Variants in ANK3 observed in about 807,000 individuals in gnomAD.
The protein encoded by ANK3 is ankyrin 3.
In ANK3, 57 loss-of-function variants were observed where a neutral mutation model predicts 370.9. The ratio of observed to expected loss-of-function variants is 0.15; its 90% CI spans 0.12 to 0.19. ANK3 has a LOEUF of 0.19. Ranked by LOEUF, ANK3 falls within the 10% of genes least tolerant of loss-of-function variation. The pLI is 1.00. For synonymous variants in ANK3, 1,929 were observed against 1,946.3 expected (o/e 0.99, Z 0.23); for missense variants, 4,439 against 5,302.1 (o/e 0.84, Z 5.06).
At chr10:60,647,257 G>T (rs1048519007) in intron 1 of ANK3, among the ~76,000 whole-genome samples, 1 of 152,190 alleles carries the variant, frequency 6.6e-6, no homozygotes, top group Non-Finnish European at 1.5e-5. Flanking sequence ...AATCAAGGAA[G>T]AAATTGCTCA....
intron 2 of ANK3, among the ~76,000 whole-genome samples, chr10:60,579,898 A>C (rs7906839): frequency 0.47 from 71,562 of 151,948 alleles, 17,231 homozygotes; most frequent in Non-Finnish European, 0.52. Context: ...AAAATGATTC[A>C]GAAAATCCTA....
intron 28 of ANK3, among the ~76,000 whole-genome samples, chr10:60,095,574 G>T (rs1375835319): frequency 6.6e-6 from 1 of 152,094 alleles, no homozygotes; most frequent in East Asian, 1.9e-4. Flanking sequence ...GTAGAGACTG[G>T]CCCTTGCTAT....
At chr10:60,255,352 C>T (rs189231050) in intron 7 of ANK3, among the ~76,000 whole-genome samples, 1 of 152,202 alleles carries the variant, frequency 6.6e-6, no homozygotes. Flanking sequence ...GCAGCAAAAA[C>T]AAATCATCCT....
intron 9 of ANK3, among the ~76,000 whole-genome samples, chr10:60,209,206 T>C (rs957917658): frequency 2.0e-5 from 3 of 152,166 alleles, no homozygotes; most frequent in Non-Finnish European, 4.4e-5. Context: ...TATTGTAACA[T>C]AATTTAACAT....
At chr10:60,620,608 T>C (rs888302030) in intron 1 of ANK3, among the ~76,000 whole-genome samples, 5 of 152,188 alleles carry the variant, frequency 3.3e-5, no homozygotes, top group Non-Finnish European at 5.9e-5. Context: ...GCTCATTTGA[T>C]ACCAAGGATT....
At chr10:60,538,931 T>C (rs1424475672) in intron 2 of ANK3, among the ~76,000 whole-genome samples, 1 of 151,916 alleles carries the variant, frequency 6.6e-6, no homozygotes, top group Non-Finnish European at 1.5e-5. Flanking sequence ...TTTTTTGTTG[T>C]TGGTTGTCTG....
chr10:60,057,111 C>T (rs1053678596), intron 41 of ANK3, among the ~76,000 whole-genome samples: 2 of 152,166 alleles, frequency 1.3e-5, no homozygotes, highest in African/African-American at 4.8e-5. Context: ...ATGAATCCTG[C>T]CGTTACTTTT....
intron 2 of ANK3, among the ~76,000 whole-genome samples, chr10:60,469,041 A>G (rs1350879209): frequency 2.1e-5 from 2 of 97,042 alleles, no homozygotes; most frequent in Non-Finnish European, 4.0e-5. Context: ...GTATATATAT[A>G]TATATATATA....
intron 8 of ANK3, among the ~76,000 whole-genome samples, chr10:60,233,811 A>G: frequency 6.6e-6 from 1 of 152,228 alleles, no homozygotes; most frequent in East Asian, 1.9e-4. Context: ...AGACACTTCA[A>G]TAATGTTAAC....
chr10:60,184,180 T>C (rs1177951686), intron 17 of ANK3, among the ~76,000 whole-genome samples: 2 of 152,166 alleles, frequency 1.3e-5, no homozygotes, highest in African/African-American at 4.8e-5. Context: ...ATAGTTATTT[T>C]TTAGCAAGGA....
intron 27 of ANK3, among the ~76,000 whole-genome samples, chr10:60,108,022 AT>A (rs746713187): frequency 4.0e-5 from 6 of 151,886 alleles, no homozygotes; most frequent in African/African-American, 9.7e-5. Flanking sequence ...AGCCACTATG[AT>A]TTTTTTTTCT....
chr10:60,231,769 C>T (rs1349478051), intron 8 of ANK3, among the ~76,000 whole-genome samples: 4 of 152,132 alleles, frequency 2.6e-5, no homozygotes, highest in African/African-American at 9.7e-5. Flanking sequence ...TCAGTCTGCC[C>T]AACTGACACC....
Position 60,082,866 on chromosome 10 carries a change from T to C in ANK3, c.4201-129A>G. On this transcript the variant is annotated intron_variant, in intron 33 of 43. Coordinates refer to ENST00000280772, the MANE Select transcript of ANK3 (RefSeq NM_020987.5). The stretch of plus-strand genomic sequence containing the variant: ...CAGGAAAGGTAAAGGGAAAAGATGA[T>C]GATTACGATTATGCAGCAACCGGGG... 3 of 1,105,656 alleles carry C rather than the reference T, an allele frequency of 2.7e-6. No individual in the cohort carries two copies. In the South Asian group the frequency reaches 4.8e-5, roughly 18 times the overall value. The allele number at this position is 1,105,656 out of a possible 1,614,324, so 68.5% of individuals were successfully genotyped here. A position where few individuals can be genotyped will look rare whatever the true frequency, so the allele number is the denominator to read the frequency against.
chr10:60,111,611 T>C (rs2092712976), intron 26 of ANK3: 4 of 312,562 alleles, frequency 1.3e-5, no homozygotes, highest in South Asian at 1.1e-4. Flanking sequence ...GTTTCTAGTT[T>C]TAGGAACAGC....
At chr10:60,158,929 G>T (rs774098929) in intron 23 of ANK3, among the ~76,000 whole-genome samples, 4 of 151,882 alleles carry the variant, frequency 2.6e-5, no homozygotes, top group Non-Finnish European at 5.9e-5. Flanking sequence ...ACCTGCTTCA[G>T]CTTCCCAAAG....
chr10:60,080,506 C>A (rs373893330), intron 36 of ANK3, 31 bp downstream of exon 36: 4 of 1,580,324 alleles, frequency 2.5e-6, no homozygotes, highest in South Asian at 2.2e-5. Context: ...TGAAAATCCA[C>A]GTAGATTAGT....
At chr10:60,328,652 C>T (rs769334500) in intron 1 of ANK3, among the ~76,000 whole-genome samples, 6 of 152,014 alleles carry the variant, frequency 3.9e-5, no homozygotes, top group Admixed American at 6.6e-5. Flanking sequence ...AATTAATAGC[C>T]GGCCAACCAA....
intron 8 of ANK3, among the ~76,000 whole-genome samples, chr10:60,233,630 T>C (rs2097283610): frequency 6.6e-6 from 1 of 152,012 alleles, no homozygotes. Context: ...GAGATGGAGG[T>C]TTTGCTGTGC....
At chr10:60,635,890 A>G (rs2078548692) in intron 1 of ANK3, among the ~76,000 whole-genome samples, 1 of 152,210 alleles carries the variant, frequency 6.6e-6, no homozygotes. Flanking sequence ...GTCCACAAGC[A>G]GGACAACTAC....
Sources: allele counts gnomAD v4.1 joint callset (sites outside exome capture counted in the v4.1 genomes callset), GRCh38; gene constraint gnomAD v4.1.1; transcripts MANE v1.5; gene names NCBI Gene and HGNC (gene_info 2026-07-23, HGNC 2026-07-21).